ABL1: variants seen among roughly 807,000 people sequenced by gnomAD.
ABL1 encodes the protein ABL proto-oncogene 1, non-receptor tyrosine kinase.
A neutral mutation model predicts 94.7 loss-of-function variants in ABL1; 11 were observed. The ratio of observed to expected loss-of-function variants is 0.12; its 90% confidence interval spans 0.07 to 0.19. The LOEUF (loss-of-function observed/expected upper bound fraction) is 0.19. Ranked by LOEUF, ABL1 falls within the 10% of genes least tolerant of loss-of-function variation. The pLI, the probability that ABL1 is intolerant of heterozygous loss-of-function variation, is 1.00. For missense variants in ABL1, 1,082 were observed against 1,489.4 expected (o/e 0.73, Z 4.50); for synonymous variants, 656 against 622.4 (o/e 1.05, Z -0.80).
chr9:130,783,903 A>G (rs888564971), intron 1 of ABL1, among the ~76,000 whole-genome samples: 1 of 152,006 alleles, frequency 6.6e-6, no homozygotes, highest in African/African-American at 2.4e-5. Flanking sequence ...TGATCTGCCC[A>G]CCTCGGCCTC....
rs1360403410 is a variant in ABL1, at chr9:130,835,661, CT to C, written c.79+138del. The C allele has an allele frequency of 4.7e-3, 58 of 12,320 alleles. No homozygotes were observed. Among genetic ancestry groups the C allele is most frequent in the Non-Finnish European group, 8.7e-3 (55 of 6,306 alleles). 0.8% of individuals were successfully genotyped at this position (12,320 alleles called of 1,614,324 possible). On this transcript the variant is annotated intron_variant, in intron 1 of 10. Coordinates refer to ENST00000318560, the MANE Select transcript of ABL1 (RefSeq NM_005157.6). This position sits in a 1 kb window ranked among gnomAD's most constrained non-coding sequence, Gnocchi z 4.6. The stretch of plus-strand genomic sequence containing the variant: ...CTTGTCTTTTTTTTCTTTCTTCCCT[CT>C]TCTCTTCTCTTCTCTTCAGTTCTCT...
chr9:130,857,933 C>G (rs150446841), intron 3 of ABL1, among the ~76,000 whole-genome samples: 1 of 152,162 alleles, frequency 6.6e-6, no homozygotes, highest in East Asian at 1.9e-4. Context: ...GGACGTACTT[C>G]AGGACATTGG....
At chr9:130,714,212 G>T in exon 1 of ABL1, 1 of 1,126,458 alleles carries the variant, frequency 8.9e-7, no homozygotes, top group Non-Finnish European at 1.2e-6. Flanking sequence ...GACTTGTGGA[G>T]ATGCAGCGAA....
chr9:130,807,635 T>G (rs1830143478), intron 1 of ABL1, among the ~76,000 whole-genome samples: 1 of 148,558 alleles, frequency 6.7e-6, no homozygotes, highest in African/African-American at 2.4e-5. Flanking sequence ...GTAAAGGATG[T>G]ATTTTCCATT....
At position 130,885,009 on chromosome 9, in the gene ABL1, G is replaced by A. The variant is rs2133038373; in HGVS notation, c.2719G>A (p.Ala907Thr). The change falls in exon 11 of 11, where the codon GCA (alanine) becomes ACA (threonine). Residue 907 changes from alanine to threonine, a missense_variant. Ala to Thr is a moderately conservative substitution (Grantham distance 58). Coordinates refer to ENST00000318560, the MANE Select transcript of ABL1 (RefSeq NM_005157.6). ...PAPPPPPAAS[A>T]GKAGGKPSQS... ...CCCGCCGCCCCCACCAGCAGCCTCT[G>A]CAGGGAAGGCTGGAGGAAAGCCCTC... The A allele has an allele frequency of 6.2e-7, 1 of 1,611,782 alleles. No individual in the cohort carries two copies. The highest frequency in any genetic ancestry group is 1.7e-5 in the Admixed American group (1 of 59,890).
At chr9:130,832,841 T>C (rs1450809135), upstream of ABL1, among the ~76,000 whole-genome samples, 1 of 152,210 alleles carries the variant, frequency 6.6e-6, no homozygotes, top group Non-Finnish European at 1.5e-5. Context: ...AACAGAATGC[T>C]CTTCGTATCT....
chr9:130,741,229 G>T (rs2789767), intron 1 of ABL1, among the ~76,000 whole-genome samples: 1 of 151,876 alleles, frequency 6.6e-6, no homozygotes, highest in African/African-American at 2.4e-5. Context: ...TCATGGTGCT[G>T]CCTGGCACCC....
At chr9:130,772,522 TCTC>T (rs1172821908) in intron 1 of ABL1, among the ~76,000 whole-genome samples, 1 of 152,132 alleles carries the variant, frequency 6.6e-6, no homozygotes, top group Non-Finnish European at 1.5e-5. Context: ...GAAAGAGACA[TCTC>T]CTCACTAGGG....
chr9:130,820,902 G>A (rs1371633533), intron 1 of ABL1, among the ~76,000 whole-genome samples: 1 of 151,938 alleles, frequency 6.6e-6, no homozygotes, highest in Non-Finnish European at 1.5e-5. Context: ...AATTTATAGA[G>A]TGTGCACCAT....
chr9:130,745,432 A>G (rs1457452440), intron 1 of ABL1, among the ~76,000 whole-genome samples: 1 of 151,824 alleles, frequency 6.6e-6, no homozygotes, highest in Non-Finnish European at 1.5e-5. Flanking sequence ...GCTGGCCTGC[A>G]TAATAGAGCG....
chr9:130,866,507 G>A (rs1831159412), intron 4 of ABL1, among the ~76,000 whole-genome samples: 1 of 152,084 alleles, frequency 6.6e-6, no homozygotes, highest in South Asian at 2.1e-4. Flanking sequence ...CATCCAGCCT[G>A]TTTCCTATCG....
chr9:130,745,603 C>G (rs1831878840), intron 1 of ABL1, among the ~76,000 whole-genome samples: 1 of 151,778 alleles, frequency 6.6e-6, no homozygotes, highest in South Asian at 2.1e-4. Flanking sequence ...GGAAAATGAC[C>G]TTCACATTTA....
At chr9:130,776,427 C>T (rs1167237784) in intron 1 of ABL1, among the ~76,000 whole-genome samples, 1 of 152,180 alleles carries the variant, frequency 6.6e-6, no homozygotes, top group African/African-American at 2.4e-5. Context: ...GAAACCCCGT[C>T]TCTACTAAAG....
At chr9:130,743,846 G>A (rs1207310307) in intron 1 of ABL1, among the ~76,000 whole-genome samples, 2 of 152,102 alleles carry the variant, frequency 1.3e-5, no homozygotes, top group Non-Finnish European at 2.9e-5. Flanking sequence ...CAAGAGGGGT[G>A]AGCCACATAG....
chr9:130,844,368 G>C (rs1830724841), intron 1 of ABL1, among the ~76,000 whole-genome samples: 1 of 152,182 alleles, frequency 6.6e-6, no homozygotes. Context: ...TCCTGATATG[G>C]GCGTCAATGG....
chr9:130,793,836 C>T lies in ABL1; in HGVS notation c.137-60228C>T, dbSNP rs534396269. Among the ~76,000 whole-genome samples the T allele has an allele frequency of 7.2e-5, 11 of 152,200 alleles. No individual in the cohort carries two copies. In the South Asian group the frequency reaches 8.3e-4, roughly 11 times the overall value. ...ATAGTACTCATTACTGCCTGAGCTC[C>T]GCCTCCTGTCAGATCAGTGGCGGCA... On this transcript the variant is annotated intron_variant, in intron 1 of 10. Transcript: ENST00000372348.
Position 130,872,999 on chromosome 9 carries a change from A to G in ABL1, c.1047A>G (p.Ser349=). ...TGTACATGGCCACTCAGATCTCGTC[A>G]GCCATGGAGTACCTGGAGAAGAAAA... ...VLLYMATQIS[S]AMEYLEKKNF... Residue 349 remains serine, a synonymous_variant, in exon 6 of 11, where the codon TCA becomes TCG. Transcript: ENST00000318560. The surrounding 1 kb of genome is among the most constrained non-coding windows in gnomAD (Gnocchi z 5.0). The G allele has an allele frequency of 6.2e-7, 1 of 1,614,132 alleles. No individual in the cohort carries two copies. The highest frequency in any genetic ancestry group is 8.5e-7 in the Non-Finnish European group (1 of 1,180,012).
chr9:130,716,848 T>C (rs553235481), intron 1 of ABL1, among the ~76,000 whole-genome samples: 1 of 152,166 alleles, frequency 6.6e-6, no homozygotes, highest in African/African-American at 2.4e-5. Flanking sequence ...CCTCCCGGGT[T>C]CAAGCGATTC....
Position 130,865,270 on chromosome 9 carries a change from A to G in ABL1, c.822+2235A>G, listed in dbSNP as rs116059468. Among the ~76,000 whole-genome samples, 1,216 of 152,326 alleles carry G rather than the reference A, an allele frequency of 8.0e-3. 22 individuals carry two copies. Among genetic ancestry groups the G allele is most frequent in the African/African-American group, 0.028 (1,155 of 41,566 alleles). ...TCTGTGGGCAGTCACCCGGAGTGGT[A>G]TCTAATTAGGGAAAAGGCAGTATGT... On this transcript the variant is annotated intron_variant, in intron 4 of 10. Coordinates refer to ENST00000318560, the MANE Select transcript of ABL1 (RefSeq NM_005157.6).
Sources: gnomAD v4.1 joint callset for allele counts (sites outside exome capture counted in the v4.1 genomes callset) on GRCh38, gnomAD v4.1.1 for gene constraint, Gnocchi (gnomAD v3.1) non-coding constraint, MANE v1.5 for transcripts, NCBI Gene and HGNC (gene_info 2026-07-23, HGNC 2026-07-21) for gene names.